Variants in CEP95 observed in about 807,000 individuals in gnomAD.
The protein encoded by CEP95 is centrosomal protein 95.
A neutral mutation model predicts 111.2 loss-of-function variants in CEP95; 98 were observed. The observed-to-expected ratio is 0.88, with a 90% CI of 0.75 to 1.04. The LOEUF (loss-of-function observed/expected upper bound fraction) is 1.04, where lower values mean the gene tolerates loss of function less well. Ranked by LOEUF, CEP95 falls within the 50% of genes least tolerant of loss-of-function variation. CEP95 has a pLI of 0.00. For synonymous variants in CEP95, 323 were observed against 327.1 expected (o/e 0.99, Z 0.14); for missense variants, 1,027 against 977.2 (o/e 1.05, Z -0.68).
intron 11 of CEP95, among the ~76,000 whole-genome samples, chr17:64,528,431 A>G (rs1568148302): frequency 1.3e-5 from 2 of 152,160 alleles, no homozygotes; most frequent in African/African-American, 4.8e-5. Context: ...TTTTATGTAC[A>G]TACACATGGT....
At chr17:64,526,388 T>C (rs1967825162) in intron 10 of CEP95, among the ~76,000 whole-genome samples, 188 bp downstream of exon 10, 1 of 152,150 alleles carries the variant, frequency 6.6e-6, no homozygotes, top group African/African-American at 2.4e-5. Context: ...CTAACTAAAT[T>C]TGGTGCAGAT....
At chr17:64,516,619 A>G (rs1966881606) in intron 4 of CEP95, 104 bp from the exon 5 acceptor site, 5 of 541,586 alleles carry the variant, frequency 9.2e-6, no homozygotes, top group Non-Finnish European at 1.6e-5. Flanking sequence ...TTACCATGGC[A>G]AGTTAGGGGT....
At chr17:64,526,011 T>C in intron 9 of CEP95, 60 bp from the exon 10 acceptor site, 1 of 1,570,322 alleles carries the variant, frequency 6.4e-7, no homozygotes, top group Non-Finnish European at 8.6e-7. Flanking sequence ...ATTACAGTTA[T>C]TTTAAACTAA....
chr17:64,534,835 C>T (rs1568158246), intron 17 of CEP95, 98 bp downstream of exon 17: 5 of 1,426,490 alleles, frequency 3.5e-6, no homozygotes, highest in Admixed American at 2.0e-5. Context: ...AAATTTGAAT[C>T]CAAAATCTAA....
At chr17:64,532,543 T>C (rs781931738) in intron 14 of CEP95, 1 of 985,052 alleles carries the variant, frequency 1.0e-6, no homozygotes, top group African/African-American at 1.8e-5. Flanking sequence ...GGTTGAGGAG[T>C]CTTGTTTTAC....
rs976844971 is a variant in CEP95, at chr17:64,537,553, G to T, written c.2290-50G>T. The T allele has an allele frequency of 2.6e-6, 4 of 1,514,108 alleles. No individual in the cohort carries two copies. The Middle Eastern group carries it at 5.7e-4, about 216-fold the overall frequency. 93.8% of individuals were successfully genotyped at this position (1,514,108 alleles called of 1,614,324 possible). A position where few individuals can be genotyped will look rare whatever the true frequency, so the allele number is the denominator to read the frequency against. On this transcript the variant is annotated intron_variant, in intron 19 of 19. Transcript: ENST00000556440. Reference sequence around the variant, plus strand: ...AGATGGAGAGGGAACAATAGATGAGGGCCTGGATAAATGCTGTGAACAGCG... The same window carrying T: ...AGATGGAGAGGGAACAATAGATGAGTGCCTGGATAAATGCTGTGAACAGCG...
chr17:64,507,902 T>C, intron 1 of CEP95: 1 of 985,446 alleles, frequency 1.0e-6, no homozygotes, highest in Non-Finnish European at 1.2e-6. Flanking sequence ...ACAGAAACCG[T>C]TAAACTTTGC....
intron 8 of CEP95, among the ~76,000 whole-genome samples, chr17:64,524,205 AGGGGAGTGT>A (rs1967609871): frequency 1.3e-5 from 2 of 152,198 alleles, no homozygotes; most frequent in Non-Finnish European, 2.9e-5. Flanking sequence ...TGGCAGTTAA[AGGGGAGTGT>A]TTATTTTCAA....
At chr17:64,516,613 C>A in intron 4 of CEP95, 110 bp from the exon 5 acceptor site, 1 of 520,742 alleles carries the variant, frequency 1.9e-6, no homozygotes, top group East Asian at 3.1e-5. Flanking sequence ...CCCTGTTTAC[C>A]ATGGCAAGTT....
intron 11 of CEP95, among the ~76,000 whole-genome samples, chr17:64,528,939 G>C (rs139535987): frequency 6.1e-4 from 93 of 152,320 alleles, no homozygotes; most frequent in Admixed American, 1.0e-3. Flanking sequence ...TCAGGACCCA[G>C]ATAGGTAAAA....
At chr17:64,511,012 C>T (rs781850519) in intron 3 of CEP95, among the ~76,000 whole-genome samples, 5 of 152,140 alleles carry the variant, frequency 3.3e-5, no homozygotes, top group Admixed American at 6.5e-5. Flanking sequence ...GCCCCACAAG[C>T]TGCAAAAACC....
intron 8 of CEP95, among the ~76,000 whole-genome samples, chr17:64,524,455 C>T (rs1407530071): frequency 1.3e-5 from 2 of 151,988 alleles, no homozygotes; most frequent in African/African-American, 4.8e-5. Context: ...TACAGGCACA[C>T]GTGCCACCAC....
intron 5 of CEP95, 133 bp from the exon 6 acceptor site, chr17:64,519,188 A>G: frequency 8.0e-6 from 5 of 624,668 alleles, no homozygotes; most frequent in South Asian, 2.0e-5. Context: ...AAAACAAAAC[A>G]TAAGCAGCAA....
At chr17:64,513,754 A>G (rs1374045061) in intron 3 of CEP95, among the ~76,000 whole-genome samples, 6 of 152,160 alleles carry the variant, frequency 3.9e-5, no homozygotes, top group African/African-American at 1.4e-4. Context: ...AAGTATCCCA[A>G]CAAGTTTATT....
At chr17:64,526,402 T>A (rs1555679144) in intron 10 of CEP95, among the ~76,000 whole-genome samples, 5 of 152,188 alleles carry the variant, frequency 3.3e-5, no homozygotes. Context: ...TGCAGATTTA[T>A]CCAAATTTTA....
Position 64,532,117 on chromosome 17 carries a change from C to G in CEP95, c.1672+95C>G, listed in dbSNP as rs930774919. On this transcript the variant is annotated intron_variant, in intron 14 of 19. Coordinates refer to ENST00000556440, the MANE Select transcript of CEP95 (RefSeq NM_138363.3). ...CACAGCACTGAAAGCTAACATCCACCAGTTAGCCGAAGAAAGTTTTTTTTT... is the reference window on the plus strand; with the variant it reads ...CACAGCACTGAAAGCTAACATCCACGAGTTAGCCGAAGAAAGTTTTTTTTT... The G allele has an allele frequency of 1.1e-5, 15 of 1,380,972 alleles. No homozygotes were observed. The African/African-American group carries it at 2.2e-4, about 21-fold the overall frequency. The allele number at this position is 1,380,972 out of a possible 1,614,324, so 85.5% of individuals were successfully genotyped here. A position where few individuals can be genotyped will look rare whatever the true frequency, so the allele number is the denominator to read the frequency against.
chr17:64,534,893 A>G, intron 17 of CEP95, 156 bp downstream of exon 17: 2 of 781,824 alleles, frequency 2.6e-6, no homozygotes, highest in Non-Finnish European at 4.2e-6. Flanking sequence ...GCCACACTTC[A>G]TTTTCTTACT....
At position 64,537,813 on chromosome 17, in the gene CEP95, G is replaced by C; in HGVS notation, c.*34G>C. 1 of 1,423,834 alleles carries C rather than the reference G, an allele frequency of 7.0e-7. No homozygotes were observed. Among genetic ancestry groups the C allele is most frequent in the Non-Finnish European group, 9.5e-7 (1 of 1,052,964 alleles). The allele number at this position is 1,423,834 out of a possible 1,614,324, so 88.2% of individuals were successfully genotyped here. ...TTGATAATAGTAGGTGAAGGTTCTG[G>C]AGGCCTTTACCAGGACAGAGCTAGA... is the stretch of plus-strand genomic sequence containing the variant. On this transcript the variant is annotated 3_prime_UTR_variant, in exon 20 of 20. Coordinates refer to ENST00000556440, the MANE Select transcript of CEP95 (RefSeq NM_138363.3).
intron 5 of CEP95, among the ~76,000 whole-genome samples, chr17:64,517,465 A>AT (rs1966957401): frequency 1.3e-5 from 2 of 152,276 alleles, no homozygotes. Flanking sequence ...ATTTTGTTAA[A>AT]TTTTTTAGTC....
Sources: allele counts gnomAD v4.1 joint callset (sites outside exome capture counted in the v4.1 genomes callset), GRCh38; gene constraint gnomAD v4.1.1; transcripts MANE v1.5; gene names NCBI Gene and HGNC (gene_info 2026-07-23, HGNC 2026-07-21).